The following TRDN variants were observed in gnomAD, a reference collection of about 807,000 sequenced individuals.
TRDN encodes triadin, also known as triadin in skeletal muscle.
In TRDN, 161 loss-of-function variants were observed where a neutral mutation model predicts 149.7. The observed-to-expected ratio is 1.08, with a 90% CI of 0.95 to 1.23. The LOEUF is 1.23. TRDN is among the 50% of genes most tolerant of loss of function. The pLI is 0.00. For missense variants in TRDN, 896 were observed against 823.5 expected (o/e 1.09, Z -1.08); for synonymous variants, 294 against 250.5 (o/e 1.17, Z -1.64).
At chr6:123,347,797 T>A (rs2114279767) in intron 21 of TRDN, among the ~76,000 whole-genome samples, 1 of 152,196 alleles carries the variant, frequency 6.6e-6, no homozygotes, top group African/African-American at 2.4e-5. Flanking sequence ...TATTTGCTTA[T>A]TTAAAAAAGG....
At chr6:123,402,405 G>C (rs530610000) in intron 12 of TRDN, among the ~76,000 whole-genome samples, 1 of 152,296 alleles carries the variant, frequency 6.6e-6, no homozygotes, top group South Asian at 2.1e-4. Flanking sequence ...CCTGAGCAGA[G>C]CTCTCTGAAA....
At chr6:123,610,505 G>A (rs927545293) in intron 1 of TRDN, among the ~76,000 whole-genome samples, 1 of 152,148 alleles carries the variant, frequency 6.6e-6, no homozygotes, top group African/African-American at 2.4e-5. Flanking sequence ...GGTACAAAAG[G>A]TAAGCAATTT....
chr6:123,348,426 T>C (rs1366402190), intron 21 of TRDN, among the ~76,000 whole-genome samples: 3 of 152,146 alleles, frequency 2.0e-5, no homozygotes, highest in Non-Finnish European at 4.4e-5. Context: ...TTTTAGAGTA[T>C]GAAACTTAAA....
Position 123,259,642 on chromosome 6 carries a change from A to G in TRDN, c.1852T>C (p.Ser618Pro), listed in dbSNP as rs1776690621. ...TESGKKKTEI[S>P]EKESKEKADM... is the part of the protein sequence containing the mutation. ...TTTTTACCTTTACTTTCTTTTTCAG[A>G]TATTTCAGTTTTCTTCTTTCCTAGG... is the stretch of plus-strand genomic sequence containing the variant. Residue 618 changes from serine to proline, a missense_variant, in exon 35 of 41, where the codon TCT (serine) becomes CCT (proline). Physicochemically the swap from Ser to Pro is moderately conservative, Grantham distance 74. Transcript: ENST00000334268. The G allele has an allele frequency of 1.4e-6, 2 of 1,473,198 alleles. No homozygotes were observed. The highest frequency in any genetic ancestry group is 1.8e-6 in the Non-Finnish European group (2 of 1,088,744). The allele number at this position is 1,473,198 out of a possible 1,614,324, so 91.3% of individuals were successfully genotyped here.
intron 13 of TRDN, among the ~76,000 whole-genome samples, chr6:123,391,595 T>C (rs1348894597): frequency 6.6e-6 from 1 of 152,010 alleles, no homozygotes; most frequent in Non-Finnish European, 1.5e-5. Context: ...CCTCAGTGTC[T>C]CAAAACTTTG....
At chr6:123,448,882 G>T (rs977597571) in intron 10 of TRDN, among the ~76,000 whole-genome samples, 3 of 152,118 alleles carry the variant, frequency 2.0e-5, no homozygotes, top group Admixed American at 2.0e-4. Context: ...CCCACAGATG[G>T]TTCACATAAC....
At chr6:123,361,548 T>C (rs1180915385) in intron 20 of TRDN, among the ~76,000 whole-genome samples, 1 of 151,974 alleles carries the variant, frequency 6.6e-6, no homozygotes. Context: ...GAGATGGATA[T>C]GGGTTAAATA....
intron 12 of TRDN, among the ~76,000 whole-genome samples, chr6:123,407,196 G>C (rs1773229399): frequency 6.6e-6 from 1 of 152,180 alleles, no homozygotes; most frequent in South Asian, 2.1e-4. Flanking sequence ...GTGAAGAGAA[G>C]CAAGTCTACA....
chr6:123,611,934 T>A lies in TRDN; in HGVS notation c.22+24820A>T, dbSNP rs115635579. On this transcript the variant is annotated intron_variant, in intron 1 of 40. Transcript: ENST00000334268. ...GAGATTTGCACATAAGAAGTTAATA[T>A]GACTAAAAGTCTGGAAATAATATAC... Among the ~76,000 whole-genome samples the A allele has an allele frequency of 6.4e-3, 968 of 152,194 alleles. 19 individuals carry two copies. Among genetic ancestry groups the A allele is most frequent in the African/African-American group, 0.022 (912 of 41,538 alleles).
chr6:123,345,737 G>T (rs1425402582), intron 21 of TRDN, among the ~76,000 whole-genome samples: 1 of 152,022 alleles, frequency 6.6e-6, no homozygotes, highest in East Asian at 1.9e-4. Flanking sequence ...TTTCTTTTAC[G>T]TGGTTTCCCT....
chr6:123,360,532 G>A (rs1192774592), intron 20 of TRDN, among the ~76,000 whole-genome samples: 1 of 152,178 alleles, frequency 6.6e-6, no homozygotes, highest in African/African-American at 2.4e-5. Flanking sequence ...AAGGATGGAA[G>A]CATTCTGTTG....
chr6:123,488,879 G>A (rs1413265445), intron 9 of TRDN: 2 of 151,878 alleles, frequency 1.3e-5, no homozygotes, highest in Non-Finnish European at 2.9e-5. Flanking sequence ...GTGCCACCTT[G>A]GCAAACCACT....
At chr6:123,352,226 A>G in intron 21 of TRDN, 1 of 985,116 alleles carries the variant, frequency 1.0e-6, no homozygotes, top group Non-Finnish European at 1.2e-6. Flanking sequence ...CAAATCAAAT[A>G]GGAATATGTC....
chr6:123,426,767 C>T (rs1028142631), intron 12 of TRDN, among the ~76,000 whole-genome samples: 6 of 151,956 alleles, frequency 3.9e-5, no homozygotes, highest in African/African-American at 9.7e-5. Flanking sequence ...TATAGCTAAC[C>T]GGATATGTGC....
At chr6:123,544,047 G>A (rs1010558204) in intron 4 of TRDN, among the ~76,000 whole-genome samples, 1 of 151,836 alleles carries the variant, frequency 6.6e-6, no homozygotes, top group African/African-American at 2.4e-5. Context: ...TTAATATATT[G>A]CAAATCTTCA....
At chr6:123,291,458 A>C (rs956800540) in intron 24 of TRDN, among the ~76,000 whole-genome samples, 2 of 152,012 alleles carry the variant, frequency 1.3e-5, no homozygotes, top group East Asian at 3.9e-4. Context: ...CCAGCTAATC[A>C]GGAGGCTGAG....
chr6:123,406,424 A>G lies in TRDN; in HGVS notation c.1052-12747T>C, dbSNP rs547683848. ...ACTAGGCCTGGACTAAACTGCAAGC[A>G]TTCTGACCCTAGCCCAGCATGTTGT... On this transcript the variant is annotated intron_variant, in intron 12 of 40. Coordinates refer to ENST00000334268, the MANE Select transcript of TRDN (RefSeq NM_006073.4). Among the ~76,000 whole-genome samples the G allele has an allele frequency of 1.3e-4, 20 of 152,318 alleles. No homozygotes were observed. In the South Asian group the frequency reaches 3.7e-3, roughly 28 times the overall value.
At chr6:123,501,457 C>A (rs1778697244) in intron 8 of TRDN, among the ~76,000 whole-genome samples, 1 of 150,798 alleles carries the variant, frequency 6.6e-6, no homozygotes, top group Non-Finnish European at 1.5e-5. Flanking sequence ...TTTTCAAAAC[C>A]AAAGCCTCAG....
At chr6:123,615,481 T>C (rs769081543) in intron 1 of TRDN, among the ~76,000 whole-genome samples, 5 of 152,080 alleles carry the variant, frequency 3.3e-5, no homozygotes, top group Non-Finnish European at 7.4e-5. Context: ...AATGTGTGTG[T>C]GTATGTGTGT....
Sources: allele counts gnomAD v4.1 joint callset (sites outside exome capture counted in the v4.1 genomes callset), GRCh38; gene constraint gnomAD v4.1.1; transcripts MANE v1.5; gene names NCBI Gene and HGNC (gene_info 2026-07-23, HGNC 2026-07-21).